Variants in UTRN observed in about 807,000 individuals in gnomAD.
UTRN encodes dystrophin-related protein 1.
UTRN carries 283 observed loss-of-function variants against 463.9 expected under a neutral mutation model. The observed-to-expected ratio is 0.61, with a 90% confidence interval of 0.55 to 0.67. The LOEUF (loss-of-function observed/expected upper bound fraction) is 0.67, where lower values mean the gene tolerates loss of function less well. Among genes scored for constraint, UTRN ranks in the 30% least tolerant of loss-of-function variants. The pLI is 0.00. For missense variants in UTRN, 3,922 were observed against 4,084.3 expected (o/e 0.96, Z 1.08); for synonymous variants, 1,442 against 1,431.5 (o/e 1.01, Z -0.17).
chr6:144,710,555 T>A (rs916286041), intron 53 of UTRN, among the ~76,000 whole-genome samples: 1 of 152,210 alleles, frequency 6.6e-6, no homozygotes, highest in African/African-American at 2.4e-5. Flanking sequence ...CTTGGGTGTT[T>A]TAATCAGTGT....
chr6:144,699,927 AATAC>A (rs772751057), intron 52 of UTRN, among the ~76,000 whole-genome samples, 156 bp from the exon 53 acceptor site: 2 of 148,708 alleles, frequency 1.3e-5, no homozygotes, highest in African/African-American at 2.5e-5. Flanking sequence ...GTATATTATA[AATAC>A]ATATATATAT....
At chr6:144,518,153 T>C (rs28588721) in intron 39 of UTRN, among the ~76,000 whole-genome samples, 24,725 of 152,132 alleles carry the variant, frequency 0.16, 2,209 homozygotes, top group South Asian at 0.31. Flanking sequence ...AGACTAATGA[T>C]TTTCTCCCAT....
chr6:144,781,944 A>G lies in UTRN; in HGVS notation c.8655A>G (p.Thr2885=). 6.2e-7 allele frequency: 1 copy of G among 1,613,998 alleles called. No individual in the cohort carries two copies. The highest frequency in any genetic ancestry group is 8.5e-7 in the Non-Finnish European group (1 of 1,179,946). ...TAGTGGATCTCTTAGAGTTGAGTAC[A>G]ACAAATGAAATTTTCAAACAGCACA... The part of the protein sequence containing the change: ...ALCLDLLELS[T]TNEIFKQHKL... Residue 2885 remains threonine, a synonymous_variant, in exon 61 of 75, where the codon ACA becomes ACG. Coordinates refer to ENST00000367545, the MANE Select transcript of UTRN (RefSeq NM_007124.3).
At chr6:144,635,138 GT>G (rs149100143) in intron 51 of UTRN, among the ~76,000 whole-genome samples, 10,554 of 103,066 alleles carry the variant, frequency 0.1, 585 homozygotes, top group African/African-American at 0.26. Context: ...TTATTTGTGT[GT>G]TTTTTTTTTT....
At position 144,488,671 on chromosome 6, in the gene UTRN, A is replaced by G; in HGVS notation, c.3973-2A>G. Reference sequence around the variant, plus strand: ...TAATGATTCAATTTCTCCTTTGTGCAGGCAGAGAGCAAGCAGATTTCTTTG... The same window carrying G: ...TAATGATTCAATTTCTCCTTTGTGCGGGCAGAGAGCAAGCAGATTTCTTTG... On this transcript the variant is annotated splice_acceptor_variant, in intron 29 of 74. Coordinates refer to ENST00000367545, the MANE Select transcript of UTRN (RefSeq NM_007124.3). LOFTEE classifies it high-confidence loss of function. 6.2e-7 allele frequency: 1 copy of G among 1,611,168 alleles called. No homozygotes were observed. Among genetic ancestry groups the G allele is most frequent in the East Asian group, 2.2e-5 (1 of 44,778 alleles).
intron 3 of UTRN, among the ~76,000 whole-genome samples, chr6:144,418,813 A>G (rs1020407246): frequency 6.6e-6 from 1 of 152,014 alleles, no homozygotes; most frequent in Non-Finnish European, 1.5e-5. Flanking sequence ...CGGCCTCCCA[A>G]AGTGCTGAGA....
intron 16 of UTRN, 113 bp from the exon 17 acceptor site, chr6:144,448,487 A>T: frequency 8.3e-7 from 1 of 1,197,922 alleles, no homozygotes. Context: ...AACTGTATAA[A>T]TGTGCTAATA....
At chr6:144,624,875 A>G (rs551884805) in intron 51 of UTRN, among the ~76,000 whole-genome samples, 2 of 152,344 alleles carry the variant, frequency 1.3e-5, no homozygotes, top group East Asian at 1.9e-4. Flanking sequence ...GTGAAATCAA[A>G]TACCATGAAT....
intron 2 of UTRN, among the ~76,000 whole-genome samples, chr6:144,358,895 C>G (rs1201814217): frequency 1.3e-5 from 2 of 152,146 alleles, no homozygotes; most frequent in Non-Finnish European, 2.9e-5. Context: ...AGTCTTTATA[C>G]TCATACTTAA....
chr6:144,558,578 A>G (rs1009252793), intron 50 of UTRN, among the ~76,000 whole-genome samples: 9 of 152,162 alleles, frequency 5.9e-5, no homozygotes, highest in African/African-American at 9.7e-5. Flanking sequence ...ACATGTATAC[A>G]TATGTAACAA....
intron 64 of UTRN, among the ~76,000 whole-genome samples, chr6:144,798,969 C>T (rs1332373927): frequency 3.3e-5 from 5 of 152,154 alleles, no homozygotes; most frequent in Non-Finnish European, 7.4e-5. Context: ...CTCAAACTCC[C>T]GACCATGTGA....
chr6:144,476,286 G>T (rs1162641388), intron 25 of UTRN, among the ~76,000 whole-genome samples: 2 of 151,612 alleles, frequency 1.3e-5, no homozygotes, highest in Non-Finnish European at 2.9e-5. Context: ...AGTTTGCTCT[G>T]GGAAGGCAGG....
chr6:144,586,412 G>T (rs2128629318), intron 51 of UTRN, among the ~76,000 whole-genome samples: 1 of 152,134 alleles, frequency 6.6e-6, no homozygotes, highest in South Asian at 2.1e-4. Context: ...TTGCCCTGAT[G>T]ACCTAAAATC....
intron 53 of UTRN, among the ~76,000 whole-genome samples, chr6:144,701,052 G>T (rs568655150): frequency 1.3e-5 from 2 of 151,952 alleles, no homozygotes; most frequent in African/African-American, 2.4e-5. Flanking sequence ...GACTACAGGC[G>T]CATGCCACCA....
At position 144,462,820 on chromosome 6, in the gene UTRN, A is replaced by T; in HGVS notation, c.3020A>T (p.Asp1007Val). ...WNKLKVLVSK[D>V]LHLLEEIALT... ...AAGCTAAAGGTCTTGGTTTCCAAAG[A>T]TCTACATTTGCTTGAGGAAATTGCT... The change falls in exon 23 of 75, where the codon GAT becomes GTT. Residue 1007 changes from aspartate (D) to valine (V), a missense_variant. Asp to Val is a radical substitution (Grantham distance 152). This residue lies in a region of UTRN where 2,349 missense variants were observed against 2,303.8 expected (regional missense o/e 1.02). Coordinates refer to ENST00000367545, the MANE Select transcript of UTRN (RefSeq NM_007124.3). 1.2e-6 allele frequency: 2 copies of T among 1,609,036 alleles called. No individual in the cohort carries two copies. The highest frequency in any genetic ancestry group is 2.2e-5 in the South Asian group (2 of 88,944).
chr6:144,683,491 T>C (rs1260696143), intron 52 of UTRN, among the ~76,000 whole-genome samples: 1 of 152,176 alleles, frequency 6.6e-6, no homozygotes, highest in African/African-American at 2.4e-5. Context: ...GGCTCCTTCA[T>C]TGCCTACTGA....
rs1250615170 is a variant in UTRN at position 144,286,511 on chromosome 6, C to T, written c.-93+690C>T. Among the ~76,000 whole-genome samples, 2 of 151,498 alleles carry T rather than the reference C, an allele frequency of 1.3e-5. No homozygotes were observed. The highest frequency in any genetic ancestry group is 2.9e-5 in the Non-Finnish European group (2 of 67,814). On this transcript the variant is annotated intron_variant, in intron 1 of 74. Coordinates refer to ENST00000367545, the MANE Select transcript of UTRN (RefSeq NM_007124.3). The surrounding 1 kb of genome is among the most constrained non-coding windows in gnomAD (Gnocchi z 4.4). ...GGGGGGCGCCCCATTGGTGTGTAGT[C>T]CCGCGCAGTCGCCGGCTCTCCTTTT...
At chr6:144,306,173 C>G (rs1805720609) in intron 2 of UTRN, among the ~76,000 whole-genome samples, 1 of 152,154 alleles carries the variant, frequency 6.6e-6, no homozygotes, top group Non-Finnish European at 1.5e-5. Context: ...TCCTCTCTCT[C>G]ACTCCTGGTT....
At chr6:144,551,571 A>G (rs1798922940) in intron 48 of UTRN, among the ~76,000 whole-genome samples, 1 of 152,208 alleles carries the variant, frequency 6.6e-6, no homozygotes, top group African/African-American at 2.4e-5. Flanking sequence ...TAAATGAGAG[A>G]AAACAACAAC....
Sources: allele counts gnomAD v4.1 joint callset (sites outside exome capture counted in the v4.1 genomes callset), GRCh38; gene constraint gnomAD v4.1.1; regional missense constraint gnomAD v4.1.1; non-coding constraint Gnocchi (gnomAD v3.1); transcripts MANE v1.5; gene names NCBI Gene and HGNC (gene_info 2026-07-23, HGNC 2026-07-21).